The following GRIK1 variants were observed in gnomAD, a reference collection of about 807,000 sequenced individuals.
GRIK1 encodes glutamate ionotropic receptor kainate type subunit 1.
Under a neutral mutation model 105.7 loss-of-function variants are expected in GRIK1, and 69 were observed. That is an observed-to-expected ratio of 0.65 (90% confidence interval 0.54 to 0.80). The LOEUF (loss-of-function observed/expected upper bound fraction) is 0.80. Among genes scored for constraint, GRIK1 ranks in the 30% least tolerant of loss-of-function variants. The pLI is 0.00. For missense variants in GRIK1, 1,109 were observed against 1,167.3 expected, an observed-to-expected ratio of 0.95 and a Z score of 0.73; for synonymous variants, 438 against 431.3, an observed-to-expected ratio of 1.02 and a Z score of -0.19.
intron 1 of GRIK1, among the ~76,000 whole-genome samples, chr21:29,741,019 C>G (rs566724247): frequency 6.6e-6 from 1 of 152,204 alleles, no homozygotes; most frequent in South Asian, 2.1e-4. Context: ...CTCAGAAAGC[C>G]TTTCTGTACT....
intron 1 of GRIK1, among the ~76,000 whole-genome samples, chr21:29,722,006 G>A (rs747885825): frequency 5.9e-5 from 9 of 152,106 alleles, no homozygotes; most frequent in African/African-American, 1.9e-4. Flanking sequence ...ATTTCCTGTC[G>A]ATGAAAGGAA....
At chr21:29,550,367 T>G (rs2090113951) in intron 16 of GRIK1, among the ~76,000 whole-genome samples, 1 of 152,184 alleles carries the variant, frequency 6.6e-6, no homozygotes, top group Admixed American at 6.5e-5. Flanking sequence ...ACATACTGCA[T>G]AGGATTAGTG....
At chr21:29,888,028 G>C (rs906346655) in intron 1 of GRIK1, among the ~76,000 whole-genome samples, 2 of 151,398 alleles carry the variant, frequency 1.3e-5, no homozygotes, top group Non-Finnish European at 2.9e-5. Flanking sequence ...CTCCCCAAAA[G>C]CTAGAAATGA....
intron 1 of GRIK1, among the ~76,000 whole-genome samples, chr21:29,712,077 CATACAT>C (rs1205117914): frequency 4.3e-5 from 5 of 114,948 alleles, no homozygotes; most frequent in African/African-American, 1.7e-4. Flanking sequence ...TATATGTATA[CATACAT>C]ACACACACAC....
intron 1 of GRIK1, among the ~76,000 whole-genome samples, chr21:29,713,263 G>T (rs2064100711): frequency 2.0e-5 from 3 of 152,088 alleles, no homozygotes; most frequent in Admixed American, 1.3e-4. Context: ...CTAGGGTCCA[G>T]CCACATCCTT....
chr21:29,555,288 C>A lies in GRIK1; in HGVS notation c.2371G>T (p.Asp791Tyr). Residue 791 changes from aspartate (D) to tyrosine (Y), a missense_variant, in exon 16 of 18, where the codon GAT (aspartate) becomes TAT (tyrosine). Coordinates refer to ENST00000327783, the MANE Select transcript of GRIK1 (RefSeq NM_001330994.2). ...VGTPIGSPYR[D>Y]KITIAILQLQ... is the part of the protein sequence containing the mutation. ...TGAAGAATAGCAATAGTAATTTTAT[C>A]CCGGTAAGGAGAACCTGGAAGTAAA... The A allele has an allele frequency of 6.2e-7, 1 of 1,613,238 alleles. No homozygotes were observed. Among genetic ancestry groups the A allele is most frequent in the Non-Finnish European group, 8.5e-7 (1 of 1,179,532 alleles).
chr21:29,624,249 A>G (rs1433933644), intron 7 of GRIK1, among the ~76,000 whole-genome samples: 1 of 152,196 alleles, frequency 6.6e-6, no homozygotes, highest in Non-Finnish European at 1.5e-5. Context: ...TTTTAAACAC[A>G]AATGCTGTCA....
chr21:29,620,788 TATATCTATATATATATA>T (rs2061971477), intron 7 of GRIK1, among the ~76,000 whole-genome samples: 2 of 111,346 alleles, frequency 1.8e-5, no homozygotes, highest in African/African-American at 9.7e-5. Context: ...TATAGATATA[TATATCTATATATATATA>T]GATATATATA....
intron 14 of GRIK1, among the ~76,000 whole-genome samples, chr21:29,567,859 C>T (rs755495938): frequency 1.3e-5 from 2 of 152,010 alleles, no homozygotes; most frequent in Admixed American, 6.6e-5. Context: ...TTACAAAAAT[C>T]GCTTTGAAGG....
chr21:29,538,872 T>C (rs1048480980), intron 16 of GRIK1, among the ~76,000 whole-genome samples: 3 of 152,182 alleles, frequency 2.0e-5, no homozygotes, highest in Admixed American at 2.0e-4. Flanking sequence ...GTAGTTTTAA[T>C]TTTTCTATTT....
rs533764782 is a variant in GRIK1, at chr21:29,744,598, C to T, written c.119-50535G>A. ...TTTTTCCTCCCTGGAATTCTATTGT[C>T]TTGCTTCTTATTCTTCATCTGATTA... On this transcript the variant is annotated intron_variant, in intron 1 of 17. Coordinates refer to ENST00000327783, the MANE Select transcript of GRIK1 (RefSeq NM_001330994.2). 4.7e-5 allele frequency among the ~76,000 whole-genome samples: 7 copies of T among 148,154 alleles called. 1 individual carries two copies. The highest frequency in any genetic ancestry group is 1.5e-4 in the African/African-American group (6 of 39,990).
intron 1 of GRIK1, among the ~76,000 whole-genome samples, chr21:29,850,073 T>C (rs1026961529): frequency 1.3e-5 from 2 of 152,234 alleles, no homozygotes; most frequent in African/African-American, 4.8e-5. Context: ...GCCCGTGAAG[T>C]TTATGTCATC....
chr21:29,703,473 T>C (rs992975612), intron 1 of GRIK1, among the ~76,000 whole-genome samples: 3 of 152,236 alleles, frequency 2.0e-5, no homozygotes, highest in African/African-American at 4.8e-5. Flanking sequence ...ATAATTCTAG[T>C]TGATTACATC....
intron 3 of GRIK1, among the ~76,000 whole-genome samples, chr21:29,676,866 C>A (rs1371825390): frequency 4.6e-5 from 7 of 152,044 alleles, no homozygotes; most frequent in Non-Finnish European, 8.8e-5. Flanking sequence ...CAACTGAATG[C>A]CATGAGTGAT....
chr21:29,845,891 C>T (rs28516017), intron 1 of GRIK1, among the ~76,000 whole-genome samples: 72 of 152,160 alleles, frequency 4.7e-4, no homozygotes, highest in Non-Finnish European at 7.8e-4. Flanking sequence ...GGCCTGAAAA[C>T]CCTCTCACTC....
intron 14 of GRIK1, among the ~76,000 whole-genome samples, chr21:29,573,754 C>T (rs1249481851): frequency 6.6e-6 from 1 of 151,164 alleles, no homozygotes; most frequent in Non-Finnish European, 1.5e-5. Context: ...GGGGCTGAGG[C>T]AGGAGAATCG....
chr21:29,715,132 A>C (rs894693708), intron 1 of GRIK1, among the ~76,000 whole-genome samples: 36 of 152,178 alleles, frequency 2.4e-4, no homozygotes, highest in African/African-American at 8.7e-4. Context: ...GTCCCTTCCC[A>C]TTGCTACATA....
At chr21:29,638,508 G>A (rs1273276841) in intron 7 of GRIK1, among the ~76,000 whole-genome samples, 1 of 152,170 alleles carries the variant, frequency 6.6e-6, no homozygotes, top group South Asian at 2.1e-4. Flanking sequence ...GTACAAAGAG[G>A]TGGCAAAATA....
intron 14 of GRIK1, among the ~76,000 whole-genome samples, chr21:29,571,311 C>A (rs1023696564): frequency 4.0e-5 from 6 of 151,328 alleles, no homozygotes; most frequent in Middle Eastern, 3.2e-3. Flanking sequence ...GAGCCAAGAT[C>A]ACGCCATTGT....
Sources: allele counts gnomAD v4.1 joint callset (sites outside exome capture counted in the v4.1 genomes callset), GRCh38; gene constraint gnomAD v4.1.1; transcripts MANE v1.5; gene names NCBI Gene and HGNC (gene_info 2026-07-23, HGNC 2026-07-21).